Variants in ABCC12 observed in about 807,000 individuals in gnomAD.
The protein encoded by ABCC12 is ATP binding cassette subfamily C member 12.
In ABCC12, 142 loss-of-function variants were observed where a neutral mutation model predicts 151.1. The observed-to-expected ratio is 0.94, with a 90% CI of 0.82 to 1.08. The LOEUF is 1.08. Ranked by LOEUF, ABCC12 falls within the 50% of genes least tolerant of loss-of-function variation. The pLI is 0.00. For synonymous variants in ABCC12, 645 were observed against 646.4 expected (o/e 1.00, Z 0.03); for missense variants, 1,638 against 1,691.1 (o/e 0.97, Z 0.55).
At position 48,117,278 on chromosome 16, in the gene ABCC12, A is replaced by G. The variant is rs139906747; in HGVS notation, c.1768T>C (p.Tyr590His). 1.2e-6 allele frequency: 2 copies of G among 1,613,622 alleles called. No individual in the cohort carries two copies. The highest frequency in any genetic ancestry group is 2.7e-5 in the African/African-American group (2 of 74,908). The change falls in exon 14 of 31, where the codon TAT (tyrosine) becomes CAT (histidine). Residue 590 changes from tyrosine to histidine, a missense_variant. Transcript: ENST00000311303. ...GLQKDLSNLP[Y>H]GDLTEIGERG... ...CCGCTCACCTCAGTCAGGTCTCCAT[A>G]GGGGAGGTTGCTCAGGTCCTTCTGG...
chr16:48,085,732 T>A, intron 28 of ABCC12, 26 bp from the exon 29 acceptor site: 2 of 1,565,896 alleles, frequency 1.3e-6, no homozygotes, highest in Admixed American at 3.3e-5. Flanking sequence ...AATGCCACAT[T>A]TGTGCTGATG....
chr16:48,083,701 AG>A lies in ABCC12; in HGVS notation c.*13del. The stretch of plus-strand genomic sequence containing the variant: ...CAGAGCCTCTTCCTCCTCTAGAATC[AG>A]CCGCCAGGACCTCTACAATCTGACT... On this transcript the variant is annotated 3_prime_UTR_variant, in exon 31 of 31. Transcript: ENST00000311303. 6.2e-7 allele frequency: 1 copy of A among 1,613,718 alleles called. No homozygotes were observed. Among genetic ancestry groups the A allele is most frequent in the Non-Finnish European group, 8.5e-7 (1 of 1,179,756 alleles).
At chr16:48,098,180 T>C (rs1963174503) in intron 23 of ABCC12, among the ~76,000 whole-genome samples, 2 of 151,488 alleles carry the variant, frequency 1.3e-5, no homozygotes, top group Admixed American at 1.3e-4. Flanking sequence ...GAAAGAGACC[T>C]GTGGCTTGAA....
In ABCC12 at chr16:48,115,606, C is replaced by T. The variant is rs774605955; in HGVS notation, c.1798G>A (p.Gly600Ser). The change falls in exon 15 of 31, where the codon GGC (glycine) becomes AGC (serine). Residue 600 changes from glycine (G) to serine (S), a missense_variant. Coordinates refer to ENST00000311303, the MANE Select transcript of ABCC12 (RefSeq NM_001393797.1). ...CTCTGCCCCCCAGAGAGGTTGAGGCCCCGCTCCCCAATCTGTGGACAGGGA... is the reference window on the plus strand; with the variant it reads ...CTCTGCCCCCCAGAGAGGTTGAGGCTCCGCTCCCCAATCTGTGGACAGGGA... ...YGDLTEIGER[G>S]LNLSGGQRQR... is the part of the protein sequence containing the mutation. The T allele has an allele frequency of 2.5e-6, 4 of 1,613,464 alleles. No individual in the cohort carries two copies. Among genetic ancestry groups the T allele is most frequent in the East Asian group, 2.2e-5 (1 of 44,882 alleles).
rs1264219957 is a variant in ABCC12 at position 48,082,939 on chromosome 16, C to A, written c.*776G>T. 1 of 152,030 alleles carries A rather than the reference C, an allele frequency of 6.6e-6. No homozygotes were observed. The highest frequency in any genetic ancestry group is 1.5e-5 in the Non-Finnish European group (1 of 68,032). 9.4% of individuals were successfully genotyped at this position (152,030 alleles called of 1,614,324 possible). ...GAGAGAAAGCTTTTTGTTTGGTAAG[C>A]GACTGTGAAGGTTCATTACTGAGTG... On this transcript the variant is annotated 3_prime_UTR_variant, in exon 31 of 31. Transcript: ENST00000311303.
chr16:48,104,437 A>T, intron 21 of ABCC12, 69 bp from the exon 22 acceptor site: 1 of 1,460,356 alleles, frequency 6.8e-7, no homozygotes, highest in Non-Finnish European at 9.6e-7. Context: ...GCTCTGCTGG[A>T]GGTGAAATTG....
chr16:48,091,380 G>A (rs1962888238), intron 24 of ABCC12, 171 bp from the exon 25 acceptor site: 2 of 622,632 alleles, frequency 3.2e-6, no homozygotes, highest in African/African-American at 3.7e-5. Flanking sequence ...AGATATTCCT[G>A]TTCGGGTGTT....
chr16:48,086,244 A>G (rs1962596067), intron 28 of ABCC12: 1 of 169,790 alleles, frequency 5.9e-6, no homozygotes, highest in Non-Finnish European at 1.3e-5. Flanking sequence ...TCCCTCTCAC[A>G]GATGGTTCGG....
chr16:48,155,234 A>C (rs1965168965), intron 1 of ABCC12, among the ~76,000 whole-genome samples: 1 of 152,206 alleles, frequency 6.6e-6, no homozygotes, highest in South Asian at 2.1e-4. Context: ...AGAAGGCCTA[A>C]AACAGTGGCC....
intron 20 of ABCC12, 73 bp from the exon 21 acceptor site, chr16:48,105,409 T>C (rs2150607130): frequency 7.0e-7 from 1 of 1,438,414 alleles, no homozygotes; most frequent in East Asian, 2.5e-5. Flanking sequence ...TTCCGGAGAA[T>C]CTTTCCAGAG....
intron 20 of ABCC12, among the ~76,000 whole-genome samples, chr16:48,105,875 C>G (rs1016017081): frequency 1.3e-5 from 2 of 152,238 alleles, no homozygotes; most frequent in African/African-American, 4.8e-5. Context: ...CAAGGGGTAA[C>G]AGAGAGGGTG....
At chr16:48,084,204 T>G in intron 29 of ABCC12, 131 bp from the exon 30 acceptor site, 1 of 922,994 alleles carries the variant, frequency 1.1e-6, no homozygotes, top group Non-Finnish European at 1.6e-6. Flanking sequence ...TAGCTAAACA[T>G]CCATCTCAAA....
At chr16:48,137,276 C>T (rs1388816093) in intron 8 of ABCC12, among the ~76,000 whole-genome samples, 1 of 152,182 alleles carries the variant, frequency 6.6e-6, no homozygotes, top group Non-Finnish European at 1.5e-5. Context: ...CTCCCTTACT[C>T]ATAAAAGCAG....
chr16:48,132,480 G>A (rs1964460693), intron 9 of ABCC12, among the ~76,000 whole-genome samples: 1 of 152,074 alleles, frequency 6.6e-6, no homozygotes, highest in Non-Finnish European at 1.5e-5. Flanking sequence ...CCTGATTTTA[G>A]GTGCAATTCT....
rs373349607 is a variant in ABCC12, at chr16:48,139,344, G to C, written c.658-8C>G. Reference sequence around the variant, plus strand: ...TGACAGTATATTGAGCACCTGGAAAGAAAAGCGCAAAGGTTCAGGCTTTGG... The same window carrying C: ...TGACAGTATATTGAGCACCTGGAAACAAAAGCGCAAAGGTTCAGGCTTTGG... On this transcript the variant is annotated splice_polypyrimidine_tract_variant and splice_region_variant and intron_variant, in intron 6 of 30. Transcript: ENST00000311303. The C allele has an allele frequency of 7.5e-6, 12 of 1,595,388 alleles. No homozygotes were observed. The highest frequency in any genetic ancestry group is 1.0e-5 in the Non-Finnish European group (12 of 1,174,316).
At chr16:48,113,527 C>T (rs935910722) in intron 15 of ABCC12, among the ~76,000 whole-genome samples, 1 of 152,184 alleles carries the variant, frequency 6.6e-6, no homozygotes, top group Non-Finnish European at 1.5e-5. Flanking sequence ...CTTAGAAGAG[C>T]GATCATCCAC....
At chr16:48,144,998 G>T (rs1227736380) in intron 3 of ABCC12, among the ~76,000 whole-genome samples, 1 of 152,112 alleles carries the variant, frequency 6.6e-6, no homozygotes, top group Non-Finnish European at 1.5e-5. Context: ...AAAGTGGTGA[G>T]ATGGGAATTC....
chr16:48,098,736 T>C (rs1963199157), intron 23 of ABCC12, among the ~76,000 whole-genome samples: 5 of 152,198 alleles, frequency 3.3e-5, no homozygotes, highest in Admixed American at 1.3e-4. Context: ...AGCTGTAGCA[T>C]TTTTGTCTGG....
At chr16:48,084,671 T>C (rs1191201775) in intron 29 of ABCC12, among the ~76,000 whole-genome samples, 1 of 152,180 alleles carries the variant, frequency 6.6e-6, no homozygotes, top group Admixed American at 6.5e-5. Context: ...CATATGAATA[T>C]GCTCAGCACA....
Sources: gnomAD v4.1 joint callset for allele counts (sites outside exome capture counted in the v4.1 genomes callset) on GRCh38, gnomAD v4.1.1 for gene constraint, MANE v1.5 for transcripts, NCBI Gene and HGNC (gene_info 2026-07-23, HGNC 2026-07-21) for gene names.